PSPC1: variants seen among roughly 807,000 people sequenced by gnomAD.
The protein encoded by PSPC1 is paraspeckle component 1, also known as paraspeckle protein 1.
PSPC1 carries 14 observed loss-of-function variants against 51.6 expected under a neutral mutation model. The ratio of observed to expected loss-of-function variants is 0.27; its 90% CI spans 0.18 to 0.42. PSPC1 has a LOEUF of 0.42. Among genes scored for constraint, PSPC1 ranks in the 10% least tolerant of loss-of-function variants. The pLI, the probability that PSPC1 is intolerant of heterozygous loss-of-function variation, is 1.00. For missense variants in PSPC1, 406 were observed against 701.1 expected (o/e 0.58, Z 4.75); for synonymous variants, 193 against 231.9 (o/e 0.83, Z 1.53).
chr13:19,768,874 C>A (rs1888330341), intron 2 of PSPC1, among the ~76,000 whole-genome samples: 2 of 150,844 alleles, frequency 1.3e-5, no homozygotes, highest in Admixed American at 1.3e-4. Flanking sequence ...GTGGCTCACA[C>A]CTGTAATCCC....
chr13:19,711,248 A>G (rs1487661943), intron 6 of PSPC1, among the ~76,000 whole-genome samples: 1 of 152,178 alleles, frequency 6.6e-6, no homozygotes, highest in African/African-American at 2.4e-5. Context: ...GGCGGGGTGC[A>G]GTGGCTCACG....
At chr13:19,682,543 G>A (rs543189927) in intron 6 of PSPC1, among the ~76,000 whole-genome samples, 5 of 146,728 alleles carry the variant, frequency 3.4e-5, no homozygotes, top group Non-Finnish European at 7.4e-5. Context: ...AGAAGTTATC[G>A]GAAAATGTTC....
At chr13:19,687,955 G>T (rs9508850) in intron 6 of PSPC1, among the ~76,000 whole-genome samples, 152,026 of 152,028 alleles carry the variant, frequency 1, 76,012 homozygotes, top group Non-Finnish European at 1. Context: ...TTTCTACACA[G>T]TATCAACTGT....
rs985690489 is a variant in PSPC1, at chr13:19,730,249, T to A, written c.1148A>T (p.Tyr383Phe). ...TAGTAGTTTACTTACATTTTCCATG[T>A]AGTTTGGCTTAAAGCCCTCTTGCTG... ...RRQQEGFKPN[Y>F]MENREQEMRM... Residue 383 changes from tyrosine to phenylalanine, a missense_variant, in exon 6 of 9, where the codon TAC (tyrosine) becomes TTC (phenylalanine). By Grantham distance (22) the Tyr-to-Phe change is conservative. Around this residue, in one of 5 missense-constraint regions of PSPC1, gnomAD observed 61 missense variants for 78.4 expected, o/e 0.78. Coordinates refer to ENST00000338910, the MANE Select transcript of PSPC1 (RefSeq NM_001354909.2). The A allele has an allele frequency of 3.1e-6, 5 of 1,613,466 alleles. No individual in the cohort carries two copies. The highest frequency in any genetic ancestry group is 4.2e-6 in the Non-Finnish European group (5 of 1,179,632).
chr13:19,770,974 A>G (rs1299258254), intron 2 of PSPC1, among the ~76,000 whole-genome samples: 1 of 151,692 alleles, frequency 6.6e-6, no homozygotes, highest in East Asian at 1.9e-4. Context: ...TATTATTTTT[A>G]ATTTTCTTTT....
At chr13:19,726,663 A>C (rs1226744010) in intron 6 of PSPC1, among the ~76,000 whole-genome samples, 1 of 152,178 alleles carries the variant, frequency 6.6e-6, no homozygotes, top group Non-Finnish European at 1.5e-5. Flanking sequence ...TCAGCCACTC[A>C]GGAGGATGAG....
At chr13:19,732,881 T>C (rs1027566412) in intron 5 of PSPC1, among the ~76,000 whole-genome samples, 1 of 149,916 alleles carries the variant, frequency 6.7e-6, no homozygotes, top group African/African-American at 2.5e-5. Flanking sequence ...GAGCTGAGAC[T>C]GCGCCACTGC....
At chr13:19,720,096 T>C (rs1388338817) in intron 6 of PSPC1, among the ~76,000 whole-genome samples, 1 of 152,200 alleles carries the variant, frequency 6.6e-6, no homozygotes, top group East Asian at 1.9e-4. Context: ...ATTAATAGTA[T>C]TTAATTATTC....
At chr13:19,714,896 A>T (rs760627026) in intron 6 of PSPC1, among the ~76,000 whole-genome samples, 36 of 152,018 alleles carry the variant, frequency 2.4e-4, no homozygotes, top group Non-Finnish European at 4.3e-4. Context: ...CTCCCTTATC[A>T]CTTCTCCGTA....
downstream of PSPC1, among the ~76,000 whole-genome samples, chr13:19,673,981 C>T (rs1363983250): frequency 6.6e-6 from 1 of 152,170 alleles, no homozygotes; most frequent in Non-Finnish European, 1.5e-5. Context: ...AGTCTTTTCC[C>T]CTGGAAAGCT....
chr13:19,765,377 G>A lies in PSPC1; in HGVS notation c.675-5959C>T, dbSNP rs114649695. On this transcript the variant is annotated intron_variant, in intron 2 of 8. Transcript: ENST00000338910. ...TTATTATTATTATTACCAGGATGAC[G>A]ATATTAATAAAATATTTTATGATGG... 9.3e-3 allele frequency among the ~76,000 whole-genome samples: 1,374 copies of A among 147,210 alleles called. 26 individuals are homozygous for A. Among genetic ancestry groups the A allele is most frequent in the African/African-American group, 0.032 (1,270 of 40,252 alleles).
chr13:19,690,823 G>GTACA (rs1878454341), intron 6 of PSPC1, among the ~76,000 whole-genome samples: 1 of 152,016 alleles, frequency 6.6e-6, no homozygotes, highest in African/African-American at 2.4e-5. Context: ...TTTAGACAGG[G>GTACA]TACATATTCT....
At chr13:19,697,261 G>T (rs1201850733) in intron 6 of PSPC1, among the ~76,000 whole-genome samples, 1 of 152,178 alleles carries the variant, frequency 6.6e-6, no homozygotes, top group Non-Finnish European at 1.5e-5. Flanking sequence ...CTGGAATAAA[G>T]TCCAGAGATC....
At chr13:19,738,654 T>C (rs1885101119) in intron 5 of PSPC1, among the ~76,000 whole-genome samples, 1 of 152,172 alleles carries the variant, frequency 6.6e-6, no homozygotes, top group Non-Finnish European at 1.5e-5. Flanking sequence ...ACGCCTGTAA[T>C]CCCAGCACTT....
At chr13:19,713,257 T>C (rs1246641508) in intron 6 of PSPC1, among the ~76,000 whole-genome samples, 3 of 152,172 alleles carry the variant, frequency 2.0e-5, no homozygotes, top group Non-Finnish European at 4.4e-5. Flanking sequence ...AACAACTTAT[T>C]TGTAACCAAC....
intron 6 of PSPC1, among the ~76,000 whole-genome samples, chr13:19,711,593 G>A (rs1344964660): frequency 7.0e-5 from 10 of 142,478 alleles, no homozygotes; most frequent in Admixed American, 1.5e-4. Context: ...AGCCGAGATC[G>A]CACCACTGTA....
chr13:19,687,220 T>TA (rs146553289), intron 6 of PSPC1, among the ~76,000 whole-genome samples: 9,069 of 151,920 alleles, frequency 0.06, 414 homozygotes, highest in Non-Finnish European at 0.094. Flanking sequence ...AAATTAATAT[T>TA]AAAAAATAAA....
chr13:19,700,141 T>A (rs1452729468), downstream of PSPC1, among the ~76,000 whole-genome samples: 2 of 152,044 alleles, frequency 1.3e-5, no homozygotes, highest in East Asian at 3.8e-4. Flanking sequence ...ATCAACCTAA[T>A]CCCCATTTAC....
In PSPC1 at chr13:19,752,593, TA is replaced by T. The variant is rs1285105840; in HGVS notation, c.771-1127del. ...TTTTTCACTTTTTTATTTATTTATT[TA>T]TTTATTTTTGAGACACAGTCTCACA... is the stretch of plus-strand genomic sequence containing the variant. On this transcript the variant is annotated intron_variant, in intron 3 of 8. Coordinates refer to ENST00000338910, the MANE Select transcript of PSPC1 (RefSeq NM_001354909.2). Among the ~76,000 whole-genome samples the T allele has an allele frequency of 5.8e-4, 87 of 150,796 alleles. 1 individual carries two copies. Among genetic ancestry groups the T allele is most frequent in the African/African-American group, 1.6e-3 (66 of 41,242 alleles).
Sources: gnomAD v4.1 joint callset for allele counts (sites outside exome capture counted in the v4.1 genomes callset) on GRCh38, gnomAD v4.1.1 for gene constraint, gnomAD v4.1.1 regional missense constraint, MANE v1.5 for transcripts, NCBI Gene and HGNC (gene_info 2026-07-23, HGNC 2026-07-21) for gene names.